The following UBA1 variants were observed in gnomAD, a reference collection of about 807,000 sequenced individuals.
UBA1 encodes the protein ubiquitin like modifier activating enzyme 1, also known as ubiquitin-like modifier-activating enzyme 1.
Under a neutral mutation model 84.7 loss-of-function variants are expected in UBA1, and 4 were observed. That is an observed-to-expected ratio of 0.05 (90% CI 0.02 to 0.11). UBA1 has a LOEUF of 0.11. Among genes scored for constraint, UBA1 ranks in the 10% least tolerant of loss-of-function variants. UBA1 has a pLI of 1.00. For synonymous variants in UBA1, 364 were observed against 362.6 expected (o/e 1.00, Z -0.04); for missense variants, 513 against 902.8 (o/e 0.57, Z 5.53).
Position 47,210,854 on chromosome X carries a change from G to A in UBA1, c.2212G>A (p.Gly738Arg). Residue 738 changes from glycine (G) to arginine (R), a missense_variant, in exon 19 of 26, where the codon GGA (glycine) becomes AGA (arginine). Gly to Arg is a moderately radical substitution (Grantham distance 125, BLOSUM62 -2). Coordinates refer to ENST00000335972, the MANE Select transcript of UBA1 (RefSeq NM_003334.4). Reference sequence around the variant, plus strand: ...CTCCATCCCTTAGCTCACAAGCTCAGGAGCGCCGTTCTGGTCTGGGCCCAA... The same window carrying A: ...CTCCATCCCTTAGCTCACAAGCTCAAGAGCGCCGTTCTGGTCTGGGCCCAA... ...NFPPDQLTSS[G>R]APFWSGPKRC... is the part of the protein sequence containing the mutation. 8.3e-7 allele frequency: 1 copy of A among 1,211,286 alleles called. No individual in the cohort carries two copies.
intron 16 of UBA1, chrX:47,206,770 C>G: frequency 3.2e-6 from 1 of 312,678 alleles, no homozygotes; most frequent in Non-Finnish European, 5.7e-6. Flanking sequence ...GTAGATTTTT[C>G]TTCTTTGTGC....
Position 47,202,450 on chromosome X carries a change from G to T in UBA1, c.1002G>T (p.Gln334His). 1 of 1,208,116 alleles carries T rather than the reference G, an allele frequency of 8.3e-7. No individual in the cohort carries two copies. The highest frequency in any genetic ancestry group is 1.1e-6 in the Non-Finnish European group (1 of 893,474). ...SRPAQLHIGFQALHQFCAQHG... is the reference protein window; with the variant it reads ...SRPAQLHIGFHALHQFCAQHG... ...CTGCCCAGCTGCACATTGGCTTCCA[G>T]GCCCTGCACCAGTTCTGTGCTCAGC... Residue 334 changes from glutamine (Q) to histidine (H), a missense_variant, in exon 10 of 26, where the codon CAG becomes CAT. Physicochemically the swap from Gln to His is conservative, Grantham distance 24. This residue lies in a region of UBA1 where 227 missense variants were observed against 339.1 expected (regional missense o/e 0.67). Transcript: ENST00000335972.
Position 47,201,624 on chromosome X carries a change from A to G in UBA1, c.811+14A>G, listed in dbSNP as rs375081792. On this transcript the variant is annotated intron_variant, in intron 8 of 25. Transcript: ENST00000335972. ...TCAAAGTCCTGGGTGAGCTGCGACC[A>G]TGGGGGAAGCAGAGGGGAACTAGAA... 5.0e-6 allele frequency: 6 copies of G among 1,210,704 alleles called. No homozygotes were observed. In the South Asian group the frequency reaches 1.1e-4, roughly 21 times the overall value.
intron 16 of UBA1, among the ~76,000 whole-genome samples, chrX:47,207,634 T>G (rs1388119033): frequency 9.0e-6 from 1 of 110,836 alleles, no homozygotes; most frequent in African/African-American, 3.3e-5. Flanking sequence ...GCCAAACCAT[T>G]TAGAATAGTA....
chrX:47,212,979 C>T lies in UBA1; in HGVS notation c.2647-11C>T, dbSNP rs1936990768. ...TAACTACCACCTTCTTTTGTCCCTT[C>T]TGTCTCTCAGAGCAAGCTGATTGCA... On this transcript the variant is annotated splice_polypyrimidine_tract_variant and intron_variant, in intron 22 of 25. Transcript: ENST00000335972. 8.3e-7 allele frequency: 1 copy of T among 1,210,191 alleles called. No individual in the cohort carries two copies. Among genetic ancestry groups the T allele is most frequent in the African/African-American group, 1.7e-5 (1 of 57,159 alleles).
At chrX:47,208,122 C>A (rs782567978) in intron 16 of UBA1, among the ~76,000 whole-genome samples, 1 of 112,469 alleles carries the variant, frequency 8.9e-6, no homozygotes, top group African/African-American at 3.2e-5. Context: ...CTAATGACTG[C>A]GAACTGTCCT....
rs1936106517 is a variant in UBA1 at position 47,193,888 on chromosome X, C to CG, written c.-132dup. Reference sequence around the variant, plus strand: ...CAGGGACAACCACAACCACAACGGCCGGGGGAGGAGAAGGCGGCAGCGGCG... The same window carrying CG: ...CAGGGACAACCACAACCACAACGGCCGGGGGGAGGAGAAGGCGGCAGCGGCG... On this transcript the variant is annotated 5_prime_UTR_variant, in exon 1 of 26. Transcript: ENST00000335972. 8.9e-6 allele frequency: 1 copy of CG among 111,913 alleles called. No homozygotes were observed. Among genetic ancestry groups the CG allele is most frequent in the African/African-American group, 3.3e-5 (1 of 30,646 alleles). The allele number at this position is 111,913 out of a possible 1,213,427, so 9.2% of individuals were successfully genotyped here. A position where few individuals can be genotyped will look rare whatever the true frequency, so the allele number is the denominator to read the frequency against.
At chrX:47,204,094 T>G (rs1014477457) in intron 14 of UBA1, among the ~76,000 whole-genome samples, 1 of 103,910 alleles carries the variant, frequency 9.6e-6, no homozygotes, top group African/African-American at 3.5e-5. Context: ...TCTTTCTGCC[T>G]CTGCCAGAAG....
intron 20 of UBA1, among the ~76,000 whole-genome samples, chrX:47,211,671 C>A (rs1169197575): frequency 1.9e-5 from 2 of 108,026 alleles, no homozygotes; most frequent in Non-Finnish European, 3.8e-5. Flanking sequence ...TTACTGACAC[C>A]CCCACCCCAC....
chrX:47,203,244 C>A, intron 13 of UBA1, 30 bp downstream of exon 13: 1 of 1,197,803 alleles, frequency 8.3e-7, no homozygotes, highest in Non-Finnish European at 1.1e-6. Context: ...GTCTGCTCCC[C>A]TCATCTTGGC....
At chrX:47,211,985 C>T (rs1305217481) in intron 20 of UBA1, among the ~76,000 whole-genome samples, 1 of 77,622 alleles carries the variant, frequency 1.3e-5, no homozygotes, top group Non-Finnish European at 2.4e-5. Context: ...TATATCTTCT[C>T]CATCTCCCCC....
intron 5 of UBA1, 84 bp downstream of exon 5, chrX:47,199,698 T>A (rs1022767634): frequency 8.6e-5 from 95 of 1,100,907 alleles, no homozygotes; most frequent in Middle Eastern, 4.9e-4. Flanking sequence ...AATATTGATT[T>A]AATGGGTCGG....
rs782810108 is a variant in UBA1 at position 47,214,401 on chromosome X, C to T, written c.2913C>T (p.Thr971=). Residue 971 remains threonine (T), a synonymous_variant, in exon 24 of 26, where the codon ACC becomes ACT. Coordinates refer to ENST00000335972, the MANE Select transcript of UBA1 (RefSeq NM_003334.4). The stretch of plus-strand genomic sequence containing the variant: ...TGCAGCCTAATGGTGAGGAGATGAC[C>T]CTCAAACAGTTCCTCGACTATTTTA... ...QGLQPNGEEM[T]LKQFLDYFKT... The T allele has an allele frequency of 2.5e-6, 3 of 1,210,843 alleles. No homozygotes were observed. The highest frequency in any genetic ancestry group is 5.9e-5 in the East Asian group (2 of 33,792).
At position 47,206,189 on chromosome X, in the gene UBA1, C is replaced by G. The variant is rs1414759491; in HGVS notation, c.1742-59C>G. On this transcript the variant is annotated intron_variant, in intron 15 of 25. Coordinates refer to ENST00000335972, the MANE Select transcript of UBA1 (RefSeq NM_003334.4). ...GGTGTGTATATACCAAGAGGGGTGT[C>G]CGTCTTTCTGTCCTCTCCTGATGTT... is the stretch of plus-strand genomic sequence containing the variant. The G allele has an allele frequency of 2.1e-5, 25 of 1,177,081 alleles. No individual in the cohort carries two copies. The African/African-American group carries it at 4.5e-4, about 21-fold the overall frequency.
intron 11 of UBA1, 24 bp from the exon 12 acceptor site, chrX:47,202,919 C>T: frequency 8.3e-7 from 1 of 1,204,803 alleles, no homozygotes; most frequent in Non-Finnish European, 1.1e-6. Context: ...ACTGACCACC[C>T]CCTCTCTCCC....
intron 16 of UBA1, among the ~76,000 whole-genome samples, chrX:47,208,352 C>T (rs1288335267): frequency 9.8e-5 from 11 of 111,750 alleles, no homozygotes; most frequent in Non-Finnish European, 3.8e-5. Context: ...TGCGCACGCA[C>T]GCGTGCCCGT....
In UBA1 at chrX:47,206,464, G is replaced by A; in HGVS notation, c.1938+20G>A. On this transcript the variant is annotated intron_variant, in intron 16 of 25. Transcript: ENST00000335972. ...CTGCAGGTGATAAGCTGTGGGAGAA[G>A]GGAAAGAGGCCAGGCATCTGGCCAG... 8.3e-7 allele frequency: 1 copy of A among 1,208,112 alleles called. No individual in the cohort carries two copies. Among genetic ancestry groups the A allele is most frequent in the Non-Finnish European group, 1.1e-6 (1 of 892,477 alleles).
chrX:47,198,739 A>G, intron 1 of UBA1, 64 bp from the exon 2 acceptor site: 3 of 1,060,002 alleles, frequency 2.8e-6, no homozygotes, highest in South Asian at 1.9e-5. Flanking sequence ...CACAGTTGCT[A>G]CTAACAAACA....
At chrX:47,195,951 CAGAGCCTCA>C (rs1317257648) in intron 1 of UBA1, among the ~76,000 whole-genome samples, 1 of 110,908 alleles carries the variant, frequency 9.0e-6, no homozygotes, top group Non-Finnish European at 1.9e-5. Flanking sequence ...CAGAGTCCTC[CAGAGCCTCA>C]ACATCCTCCT....
Sources: allele counts gnomAD v4.1 joint callset (sites outside exome capture counted in the v4.1 genomes callset), GRCh38; gene constraint gnomAD v4.1.1; regional missense constraint gnomAD v4.1.1; transcripts MANE v1.5; gene names NCBI Gene and HGNC (gene_info 2026-07-23, HGNC 2026-07-21).